Variants in GLIS1 observed in about 807,000 individuals in gnomAD.
GLIS1 encodes GLIS family zinc finger 1.
In GLIS1, 24 loss-of-function variants were observed where a neutral mutation model predicts 63.8. That is an observed-to-expected ratio of 0.38 (90% CI 0.27 to 0.53). GLIS1 has a LOEUF of 0.53. GLIS1 is among the 20% of genes least tolerant of loss of function. The pLI is 0.85. For synonymous variants in GLIS1, 450 were observed against 482.5 expected (o/e 0.93, Z 0.88); for missense variants, 1,036 against 1,074.1 (o/e 0.96, Z 0.50).
chr1:53,627,269 T>C (rs2100227303), intron 2 of GLIS1, among the ~76,000 whole-genome samples: 1 of 151,564 alleles, frequency 6.6e-6, no homozygotes, highest in East Asian at 1.9e-4. Context: ...ATCGGGAGGG[T>C]TCTATTTCAG....
chr1:53,517,628 A>G (rs1644365778), intron 7 of GLIS1, among the ~76,000 whole-genome samples: 1 of 148,810 alleles, frequency 6.7e-6, no homozygotes, highest in African/African-American at 2.4e-5. Context: ...CCTGGCAGAT[A>G]AGCTCCCAGG....
At chr1:53,608,900 C>A (rs760417931) in intron 2 of GLIS1, among the ~76,000 whole-genome samples, 10 of 152,178 alleles carry the variant, frequency 6.6e-5, no homozygotes, top group African/African-American at 1.7e-4. Context: ...ACTCTGCCCC[C>A]CTGCATGTGA....
chr1:53,638,461 G>T (rs931483233), intron 2 of GLIS1, among the ~76,000 whole-genome samples: 3 of 152,180 alleles, frequency 2.0e-5, no homozygotes, highest in African/African-American at 7.2e-5. Flanking sequence ...GGTTAACCAG[G>T]AGCCACTACA....
chr1:53,694,824 T>C (rs1440805826), intron 2 of GLIS1, among the ~76,000 whole-genome samples: 1 of 152,150 alleles, frequency 6.6e-6, no homozygotes, highest in Non-Finnish European at 1.5e-5. Flanking sequence ...TTGGTAAGCA[T>C]GAAATGTTGC....
intron 2 of GLIS1, among the ~76,000 whole-genome samples, chr1:53,604,066 C>T (rs147601827): frequency 3.9e-5 from 6 of 152,338 alleles, no homozygotes; most frequent in African/African-American, 1.2e-4. Context: ...TAACCCACAA[C>T]GTTGAGGTGA....
Position 53,594,689 on chromosome 1 carries a change from G to C in GLIS1, c.739C>G (p.Pro247Ala). The C allele has an allele frequency of 1.9e-6, 3 of 1,551,136 alleles. No individual in the cohort carries two copies. Among genetic ancestry groups the C allele is most frequent in the Non-Finnish European group, 2.6e-6 (3 of 1,146,646 alleles). ...GGTGAGGAGGAGGCTGGGGAGGTGG[G>C]GGGTAGGCCCAAGACGCAGCACCGC... ...LKRCCVLGLP[P>A]TSPASSSPCA... Residue 247 changes from proline to alanine, a missense_variant, in exon 4 of 11, where the codon CCC becomes GCC. Coordinates refer to ENST00000628545, the MANE Select transcript of GLIS1 (RefSeq NM_001367484.1).
chr1:53,672,434 T>C (rs1450257883), intron 2 of GLIS1, among the ~76,000 whole-genome samples: 1 of 152,228 alleles, frequency 6.6e-6, no homozygotes, highest in African/African-American at 2.4e-5. Context: ...CTCCTACACA[T>C]CCTTCAAGGC....
chr1:53,687,403 C>A (rs1646349062), intron 2 of GLIS1, among the ~76,000 whole-genome samples: 1 of 152,162 alleles, frequency 6.6e-6, no homozygotes, highest in South Asian at 2.1e-4. Flanking sequence ...CCAGTCATTC[C>A]AAGGACAACA....
chr1:53,602,627 T>C (rs952922941), intron 2 of GLIS1, among the ~76,000 whole-genome samples: 2 of 152,134 alleles, frequency 1.3e-5, no homozygotes, highest in Non-Finnish European at 2.9e-5. Context: ...ATCAAGACCT[T>C]CAAGGGTCCA....
chr1:53,557,212 A>C (rs1644843896), intron 4 of GLIS1, among the ~76,000 whole-genome samples: 1 of 152,078 alleles, frequency 6.6e-6, no homozygotes, highest in African/African-American at 2.4e-5. Context: ...AAGTGTGTCC[A>C]TTCACCCACA....
intron 2 of GLIS1, among the ~76,000 whole-genome samples, chr1:53,675,480 T>G (rs1482596365): frequency 6.6e-6 from 1 of 152,132 alleles, no homozygotes; most frequent in East Asian, 1.9e-4. Flanking sequence ...GGCCCAACTT[T>G]GGGCAAGTCA....
At chr1:53,577,030 G>A (rs1408128882) in intron 4 of GLIS1, among the ~76,000 whole-genome samples, 1 of 151,586 alleles carries the variant, frequency 6.6e-6, no homozygotes, top group Non-Finnish European at 1.5e-5. Context: ...CCCAATCTCT[G>A]TGCCTCACTT....
chr1:53,661,410 GC>G (rs1188437767), intron 2 of GLIS1, among the ~76,000 whole-genome samples: 1 of 152,132 alleles, frequency 6.6e-6, no homozygotes, highest in African/African-American at 2.4e-5. Flanking sequence ...ATGCATTTGG[GC>G]TTTGTCCTGG....
At chr1:53,595,783 G>T (rs1645249698) in intron 3 of GLIS1, among the ~76,000 whole-genome samples, 1 of 152,198 alleles carries the variant, frequency 6.6e-6, no homozygotes, top group African/African-American at 2.4e-5. Context: ...GCCCCAAGCA[G>T]CCTGGCCTTT....
chr1:53,654,625 G>A (rs949370950), intron 2 of GLIS1, among the ~76,000 whole-genome samples: 1 of 152,184 alleles, frequency 6.6e-6, no homozygotes. Context: ...GAAGCGGAGG[G>A]GGAAACTCGG....
rs75983277 is a variant in GLIS1, at chr1:53,532,733, C to T, written c.1321-2781G>A. 1.8e-3 allele frequency among the ~76,000 whole-genome samples: 267 copies of T among 152,334 alleles called. 2 individuals carry two copies. The highest frequency in any genetic ancestry group is 6.2e-3 in the African/African-American group (256 of 41,584). ...TATCTACAGCAGAGGACAATAACTC[C>T]TCCAGGCTTCGTCATTTTCCTGACT... On this transcript the variant is annotated intron_variant, in intron 4 of 10. Transcript: ENST00000628545.
chr1:53,641,702 G>A (rs1449851344), intron 2 of GLIS1, among the ~76,000 whole-genome samples: 1 of 152,038 alleles, frequency 6.6e-6, no homozygotes, highest in East Asian at 1.9e-4. Context: ...TGACGAGGGC[G>A]CACCAAAAAG....
chr1:53,720,791 A>T (rs1278278503), intron 2 of GLIS1, among the ~76,000 whole-genome samples: 1 of 152,100 alleles, frequency 6.6e-6, no homozygotes, highest in African/African-American at 2.4e-5. Context: ...AAAAGAAATA[A>T]ACTAGTTTCT....
At chr1:53,522,449 C>T (rs1644419873) in intron 6 of GLIS1, among the ~76,000 whole-genome samples, 1 of 152,232 alleles carries the variant, frequency 6.6e-6, no homozygotes, top group Non-Finnish European at 1.5e-5. Context: ...TGGTGTGGAG[C>T]TCCAGTCTGC....
Sources: allele counts gnomAD v4.1 joint callset (sites outside exome capture counted in the v4.1 genomes callset), GRCh38; gene constraint gnomAD v4.1.1; transcripts MANE v1.5; gene names NCBI Gene and HGNC (gene_info 2026-07-23, HGNC 2026-07-21).